Variants in SORD observed in about 807,000 individuals in gnomAD.
SORD encodes the protein sorbitol dehydrogenase.
In SORD, 18 loss-of-function variants were observed where a neutral mutation model predicts 35.6. That is an observed-to-expected ratio of 0.51 (90% CI 0.35 to 0.75). SORD has a LOEUF of 0.75. SORD is among the 30% of genes least tolerant of loss of function. The pLI is 0.01. For synonymous variants in SORD, 106 were observed against 152.9 expected (o/e 0.69, Z 2.26); for missense variants, 250 against 390.2 (o/e 0.64, Z 3.03).
At chr15:45,058,052 A>G (rs981575770) in intron 3 of SORD, among the ~76,000 whole-genome samples, 1 of 152,242 alleles carries the variant, frequency 6.6e-6, no homozygotes, top group East Asian at 1.9e-4. Context: ...CTATCCAACA[A>G]AATTATATTC....
chr15:45,065,320 T>G lies in SORD; in HGVS notation c.475T>G (p.Ser159Ala), dbSNP rs1192467568. 1 of 1,614,002 alleles carries G rather than the reference T, an allele frequency of 6.2e-7. No homozygotes were observed. The highest frequency in any genetic ancestry group is 1.3e-5 in the African/African-American group (1 of 75,034). ...FEEGALIEPL[S>A]VGIHACRRGG... is the part of the protein sequence containing the mutation. ...GGAAGGCGCCCTGATCGAGCCACTT[T>G]CTGTGGGGATCCATGCCTGCAGGAG... Residue 159 changes from serine (S) to alanine (A), a missense_variant, in exon 5 of 9, where the codon TCT becomes GCT. By Grantham distance (99) the Ser-to-Ala change is moderately conservative. Around this residue, in one of 8 missense-constraint regions of SORD, gnomAD observed 126 missense variants for 148.7 expected, o/e 0.85. Coordinates refer to ENST00000267814, the MANE Select transcript of SORD (RefSeq NM_003104.6).
intron 1 of SORD, among the ~76,000 whole-genome samples, chr15:45,035,346 T>G (rs555913137): frequency 6.6e-6 from 1 of 152,174 alleles, no homozygotes; most frequent in Non-Finnish European, 1.5e-5. Flanking sequence ...TCAGAGCTTG[T>G]AAATATACCA....
At chr15:45,030,255 A>G (rs1239406078) in intron 1 of SORD, among the ~76,000 whole-genome samples, 1 of 152,266 alleles carries the variant, frequency 6.6e-6, no homozygotes, top group Non-Finnish European at 1.5e-5. Flanking sequence ...TATCACAAAT[A>G]GGATTTTACC....
intron 1 of SORD, among the ~76,000 whole-genome samples, chr15:45,029,035 G>T (rs1347051052): frequency 3.7e-4 from 56 of 152,380 alleles, no homozygotes; most frequent in Non-Finnish European, 4.4e-5. Flanking sequence ...CCCTGATAGT[G>T]ATGAGATGCA....
At chr15:45,054,825 A>C (rs975682254) in intron 3 of SORD, among the ~76,000 whole-genome samples, 34 of 150,556 alleles carry the variant, frequency 2.3e-4, no homozygotes, top group Middle Eastern at 3.5e-3. Flanking sequence ...TTTTTGTATA[A>C]GGTGTAAGGA....
chr15:45,073,495 A>G lies in SORD; in HGVS notation c.1039A>G (p.Met347Val). ...TAAAAAGGGATTGGGGTTGAAAATCATGCTCAAGTGTGACCCCAGTGACCA... is the reference window on the plus strand; with the variant it reads ...TAAAAAGGGATTGGGGTTGAAAATCGTGCTCAAGTGTGACCCCAGTGACCA... ...TFKKGLGLKI[M>V]LKCDPSDQNP The change falls in exon 9 of 9, where the codon ATG becomes GTG. Residue 347 changes from methionine (M) to valine (V), a missense_variant. This residue lies in a region of SORD where 17 missense variants were observed against 26.2 expected (regional missense o/e 0.65). Coordinates refer to ENST00000267814, the MANE Select transcript of SORD (RefSeq NM_003104.6). 1 of 1,567,026 alleles carries G rather than the reference A, an allele frequency of 6.4e-7. No homozygotes were observed. Among genetic ancestry groups the G allele is most frequent in the Non-Finnish European group, 8.6e-7 (1 of 1,164,520 alleles).
intron 1 of SORD, among the ~76,000 whole-genome samples, chr15:45,029,310 G>T (rs149653619): frequency 2.1e-3 from 321 of 152,374 alleles, no homozygotes; most frequent in African/African-American, 7.5e-3. Context: ...AGACCATGAG[G>T]CACAAAGGTA....
chr15:45,055,359 C>T (rs1308804349), intron 3 of SORD, among the ~76,000 whole-genome samples: 1 of 152,170 alleles, frequency 6.6e-6, no homozygotes, highest in African/African-American at 2.4e-5. Flanking sequence ...ATATTACAAA[C>T]ACCTCTATGC....
At chr15:45,034,225 C>T (rs1892824527) in intron 1 of SORD, among the ~76,000 whole-genome samples, 1 of 152,112 alleles carries the variant, frequency 6.6e-6, no homozygotes, top group African/African-American at 2.4e-5. Context: ...TTGGGGCACA[C>T]AGGGGTTACA....
chr15:45,059,465 A>G (rs567733929), intron 3 of SORD, among the ~76,000 whole-genome samples: 1 of 152,304 alleles, frequency 6.6e-6, no homozygotes, highest in African/African-American at 2.4e-5. Flanking sequence ...ATACTCTTAC[A>G]TTGGAACACT....
At chr15:45,054,743 T>TTA (rs1403091141) in intron 3 of SORD, among the ~76,000 whole-genome samples, 18 of 152,200 alleles carry the variant, frequency 1.2e-4, no homozygotes, top group Non-Finnish European at 1.5e-5. Context: ...TGAATGGTAA[T>TTA]GCCTAGGTTT....
chr15:45,030,509 T>C (rs1892761542), intron 1 of SORD, among the ~76,000 whole-genome samples: 1 of 152,220 alleles, frequency 6.6e-6, no homozygotes, highest in South Asian at 2.1e-4. Flanking sequence ...TGCAAAGTAA[T>C]ATTCAACTCA....
At chr15:45,038,171 C>CCTTCCTT in intron 1 of SORD, among the ~76,000 whole-genome samples, 1 of 144,410 alleles carries the variant, frequency 6.9e-6, no homozygotes, top group Non-Finnish European at 1.5e-5. Flanking sequence ...TTCCTTCCTT[C>CCTTCCTT]CTTCCTTCCT....
At chr15:45,047,667 C>T (rs1439853048) in intron 3 of SORD, among the ~76,000 whole-genome samples, 1 of 152,190 alleles carries the variant, frequency 6.6e-6, no homozygotes, top group East Asian at 1.9e-4. Flanking sequence ...GGAGTCTATC[C>T]ATCAGACCTT....
intron 2 of SORD, among the ~76,000 whole-genome samples, chr15:45,041,041 A>G (rs1424119789): frequency 6.6e-6 from 1 of 152,052 alleles, no homozygotes; most frequent in Admixed American, 6.6e-5. Context: ...AGGGTTTCCA[A>G]CACCTTTACT....
chr15:45,023,390 T>C, intron 1 of SORD, 41 bp downstream of exon 1: 1 of 1,487,048 alleles, frequency 6.7e-7, no homozygotes, highest in Non-Finnish European at 9.0e-7. Flanking sequence ...CGATCCTGCC[T>C]CACTCTCCTC....
chr15:45,065,860 C>G (rs943316470), intron 5 of SORD, among the ~76,000 whole-genome samples: 66 of 152,112 alleles, frequency 4.3e-4, no homozygotes, highest in African/African-American at 1.6e-3. Flanking sequence ...GTCAAGGGTG[C>G]AGCGAGCCAT....
chr15:45,069,641 A>G (rs1212658243), intron 7 of SORD, among the ~76,000 whole-genome samples: 4 of 152,190 alleles, frequency 2.6e-5, no homozygotes, highest in African/African-American at 9.7e-5. Flanking sequence ...GGTTGGCTTC[A>G]TGATCATATT....
chr15:45,035,794 C>T (rs1297744845), intron 1 of SORD, among the ~76,000 whole-genome samples: 3 of 150,146 alleles, frequency 2.0e-5, no homozygotes, highest in African/African-American at 7.4e-5. Flanking sequence ...CCGGGAGGAA[C>T]GAACAACTCC....
Sources: gnomAD v4.1 joint callset for allele counts (sites outside exome capture counted in the v4.1 genomes callset) on GRCh38, gnomAD v4.1.1 for gene constraint, gnomAD v4.1.1 regional missense constraint, MANE v1.5 for transcripts, NCBI Gene and HGNC (gene_info 2026-07-23, HGNC 2026-07-21) for gene names.